Variants in CSMD1 observed in about 807,000 individuals in gnomAD.
CSMD1 encodes the protein CUB and Sushi multiple domains 1, also known as CUB and sushi domain-containing protein 1.
In CSMD1, 213 loss-of-function variants were observed where a neutral mutation model predicts 417.5. The observed-to-expected ratio is 0.51, with a 90% CI of 0.46 to 0.57. CSMD1 has a LOEUF of 0.57. Among genes scored for constraint, CSMD1 ranks in the 20% least tolerant of loss-of-function variants. The probability of loss-of-function intolerance (pLI) is 0.00; values close to 1 mark genes in which losing one functional copy is unlikely to be tolerated. For missense variants in CSMD1, 6,923 were observed against 4,529.7 expected, an observed-to-expected ratio of 1.53 and a Z score of -15.17; for synonymous variants, 2,862 against 1,736.8, an observed-to-expected ratio of 1.65 and a Z score of -16.11.
chr8:4,036,724 T>G (rs568690832), intron 3 of CSMD1, among the ~76,000 whole-genome samples: 2 of 152,230 alleles, frequency 1.3e-5, no homozygotes, highest in African/African-American at 4.8e-5. Flanking sequence ...CTTTTGCAGA[T>G]GCAGTTGCAG....
chr8:2,962,687 AG>A, intron 60 of CSMD1, 48 bp from the exon 61 acceptor site: 1 of 1,566,102 alleles, frequency 6.4e-7, no homozygotes, highest in Non-Finnish European at 8.7e-7. Flanking sequence ...TCCCTGGATC[AG>A]CTTCACCAAT....
intron 3 of CSMD1, among the ~76,000 whole-genome samples, chr8:4,314,229 C>G (rs980000837): frequency 3.3e-5 from 5 of 151,860 alleles, no homozygotes; most frequent in Admixed American, 1.3e-4. Flanking sequence ...ATAGTTAAGT[C>G]ACAACACAAT....
rs148162937 is a variant in CSMD1 at position 4,034,943 on chromosome 8, A to T, written c.416-2844T>A. On this transcript the variant is annotated intron_variant, in intron 3 of 69. Transcript: ENST00000635120. ...TTGTCACACACGGAAAATGCAAATGAAACACTCTGGAAATGGAACTTAGTC... is the reference window on the plus strand; with the variant it reads ...TTGTCACACACGGAAAATGCAAATGTAACACTCTGGAAATGGAACTTAGTC... 8.6e-3 allele frequency among the ~76,000 whole-genome samples: 1,314 copies of T among 152,272 alleles called. 71 individuals carry two copies. Among genetic ancestry groups the T allele is most frequent in the Admixed American group, 0.078 (1,191 of 15,284 alleles).
At chr8:4,181,788 AGGTG>A (rs2131178624) in intron 3 of CSMD1, among the ~76,000 whole-genome samples, 1 of 152,354 alleles carries the variant, frequency 6.6e-6, no homozygotes, top group Non-Finnish European at 1.5e-5. Flanking sequence ...TTAACGATTT[AGGTG>A]ACTAATTGAC....
chr8:3,254,921 A>C (rs1283757242), intron 26 of CSMD1, among the ~76,000 whole-genome samples: 5 of 152,016 alleles, frequency 3.3e-5, no homozygotes, highest in Non-Finnish European at 7.4e-5. Context: ...TGAGGAGCTG[A>C]TTTCCTTTGG....
At chr8:3,505,798 C>T (rs1796799395) in intron 10 of CSMD1, among the ~76,000 whole-genome samples, 1 of 152,128 alleles carries the variant, frequency 6.6e-6, no homozygotes, top group African/African-American at 2.4e-5. Flanking sequence ...AAAATATTTA[C>T]AGATTTTTAA....
chr8:3,853,873 T>TAGTATATTAATATATTAAAGTA (rs1563146969), intron 5 of CSMD1, among the ~76,000 whole-genome samples: 1 of 140,974 alleles, frequency 7.1e-6, no homozygotes, highest in Non-Finnish European at 1.6e-5. Flanking sequence ...ATATTATACT[T>TAGTATATTAATATATTAAAGTA]TAATATATTA....
intron 49 of CSMD1, among the ~76,000 whole-genome samples, chr8:3,054,731 T>C (rs1812103691): frequency 6.6e-6 from 1 of 152,178 alleles, no homozygotes; most frequent in Admixed American, 6.5e-5. Flanking sequence ...GTAGTACATG[T>C]GTGTATGGCA....
chr8:4,653,199 A>C (rs1385377756), intron 1 of CSMD1, among the ~76,000 whole-genome samples: 1 of 152,030 alleles, frequency 6.6e-6, no homozygotes, highest in East Asian at 1.9e-4. Context: ...AGCAGGAGGC[A>C]ATTTTAGAGA....
chr8:4,263,084 T>A (rs752992979), intron 3 of CSMD1, among the ~76,000 whole-genome samples: 1 of 152,178 alleles, frequency 6.6e-6, no homozygotes, highest in African/African-American at 2.4e-5. Context: ...TGAGATATAT[T>A]AATTTTCATT....
chr8:3,838,802 TATA>T lies in CSMD1; in HGVS notation c.819-84763_819-84761del, dbSNP rs565349585. Among the ~76,000 whole-genome samples the T allele has an allele frequency of 4.0e-3, 433 of 107,284 alleles. 33 individuals are homozygous for T. The highest frequency in any genetic ancestry group is 0.037 in the Admixed American group (340 of 9,132). 70.4% of individuals were successfully genotyped at this position (107,284 alleles called of 152,430 possible). On this transcript the variant is annotated intron_variant, in intron 5 of 69. Coordinates refer to ENST00000635120, the MANE Select transcript of CSMD1 (RefSeq NM_033225.6). ...TAAATTGATATTATATAGTATAATATATAATAATTATATATACTATTAATATAT... is the reference window on the plus strand; with the variant it reads ...TAAATTGATATTATATAGTATAATATATAATTATATATACTATTAATATAT...
chr8:4,232,987 G>T (rs1367816281), intron 3 of CSMD1, among the ~76,000 whole-genome samples: 1 of 152,152 alleles, frequency 6.6e-6, no homozygotes, highest in African/African-American at 2.4e-5. Context: ...GAGGAAACAG[G>T]AAGAGGATAG....
At chr8:4,631,887 G>C (rs1216597769) in intron 2 of CSMD1, among the ~76,000 whole-genome samples, 5 of 152,094 alleles carry the variant, frequency 3.3e-5, no homozygotes, top group Non-Finnish European at 5.9e-5. Context: ...CAATAATCAT[G>C]AATTAATATA....
intron 3 of CSMD1, among the ~76,000 whole-genome samples, chr8:4,416,243 C>T (rs1796931043): frequency 2.0e-5 from 3 of 152,040 alleles, no homozygotes; most frequent in South Asian, 4.2e-4. Context: ...GGATTATGTA[C>T]AAAACTTCTA....
At chr8:3,406,544 C>T (rs922561642) in intron 14 of CSMD1, among the ~76,000 whole-genome samples, 1 of 152,092 alleles carries the variant, frequency 6.6e-6, no homozygotes, top group African/African-American at 2.4e-5. Flanking sequence ...CTCAAGATTT[C>T]TCTCGTTAGA....
rs183066917 is a variant in CSMD1, at chr8:4,021,021, C to T, written c.610+10884G>A. ...TTAAACTGCATCTATTTATTAAACC[C>T]TACAACGTAAGTGAGAATAAAACCC... On this transcript the variant is annotated intron_variant, in intron 4 of 69. Transcript: ENST00000635120. Among the ~76,000 whole-genome samples the T allele has an allele frequency of 1.9e-3, 287 of 152,204 alleles. 2 individuals carry two copies. Among genetic ancestry groups the T allele is most frequent in the African/African-American group, 6.3e-3 (263 of 41,544 alleles).
chr8:3,686,384 C>T (rs143902330), intron 7 of CSMD1, among the ~76,000 whole-genome samples: 1,785 of 152,262 alleles, frequency 0.012, 38 homozygotes, highest in African/African-American at 0.041. Flanking sequence ...TGCCGCCACA[C>T]TGACGATGAG....
chr8:3,947,026 T>C (rs1056545856), intron 5 of CSMD1, among the ~76,000 whole-genome samples: 1 of 152,190 alleles, frequency 6.6e-6, no homozygotes, highest in African/African-American at 2.4e-5. Context: ...TATGTCTGTA[T>C]TTTTCTTGTT....
intron 27 of CSMD1, among the ~76,000 whole-genome samples, chr8:3,225,615 G>A (rs1041107511): frequency 1.3e-5 from 2 of 152,118 alleles, no homozygotes; most frequent in Non-Finnish European, 2.9e-5. Flanking sequence ...CAGATTCAGG[G>A]CACTGGCTAC....
Sources: allele counts gnomAD v4.1 joint callset (sites outside exome capture counted in the v4.1 genomes callset), GRCh38; gene constraint gnomAD v4.1.1; transcripts MANE v1.5; gene names NCBI Gene and HGNC (gene_info 2026-07-23, HGNC 2026-07-21).